CNTNAP2: variants seen among roughly 807,000 people sequenced by gnomAD.
CNTNAP2 encodes contactin associated protein 2.
A neutral mutation model predicts 155.2 loss-of-function variants in CNTNAP2; 98 were observed. The observed-to-expected ratio is 0.63, with a 90% confidence interval of 0.54 to 0.75. The LOEUF is 0.75. Among genes scored for constraint, CNTNAP2 ranks in the 30% least tolerant of loss-of-function variants. The probability of loss-of-function intolerance (pLI) is 0.00; values close to 1 mark genes in which losing one functional copy is unlikely to be tolerated. For synonymous variants in CNTNAP2, 651 were observed against 631.2 expected (o/e 1.03, Z -0.47); for missense variants, 1,727 against 1,688.1 (o/e 1.02, Z -0.40).
At chr7:147,724,443 G>A (rs1106439) in intron 13 of CNTNAP2, among the ~76,000 whole-genome samples, 33,235 of 151,728 alleles carry the variant, frequency 0.22, 4,243 homozygotes, top group African/African-American at 0.36. Flanking sequence ...ACAGTTGCAG[G>A]GTCTGTTTTA....
chr7:146,133,210 T>C (rs985034982), intron 1 of CNTNAP2, among the ~76,000 whole-genome samples: 8 of 152,214 alleles, frequency 5.3e-5, no homozygotes, highest in Non-Finnish European at 8.8e-5. Flanking sequence ...ATAAATGTCT[T>C]CTTTTGAGAA....
At chr7:146,584,230 A>T (rs760603278) in intron 1 of CNTNAP2, among the ~76,000 whole-genome samples, 3 of 152,200 alleles carry the variant, frequency 2.0e-5, no homozygotes, top group African/African-American at 7.2e-5. Context: ...GTTTAAAATT[A>T]TGGGTTCTTC....
At chr7:147,795,241 A>T (rs375001440) in intron 13 of CNTNAP2, among the ~76,000 whole-genome samples, 8 of 151,870 alleles carry the variant, frequency 5.3e-5, no homozygotes, top group African/African-American at 1.9e-4. Context: ...TCTAAAGTGT[A>T]TCTCCTGTAA....
chr7:146,746,943 T>C (rs1269358012), intron 1 of CNTNAP2, among the ~76,000 whole-genome samples: 1 of 152,138 alleles, frequency 6.6e-6, no homozygotes, highest in Non-Finnish European at 1.5e-5. Flanking sequence ...TATTTGGGGA[T>C]ATTTCTGTAG....
At chr7:146,536,596 C>G (rs7790706) in intron 1 of CNTNAP2, among the ~76,000 whole-genome samples, 1 of 149,798 alleles carries the variant, frequency 6.7e-6, no homozygotes, top group Non-Finnish European at 1.5e-5. Context: ...ATGTTCCCCC[C>G]CCACCACCAT....
chr7:148,063,835 T>C (rs1468038608), intron 15 of CNTNAP2, among the ~76,000 whole-genome samples: 1 of 152,166 alleles, frequency 6.6e-6, no homozygotes, highest in African/African-American at 2.4e-5. Context: ...TTTTCTGATG[T>C]TATCCTCTAG....
intron 1 of CNTNAP2, among the ~76,000 whole-genome samples, chr7:146,465,556 G>C (rs1213302591): frequency 6.6e-6 from 1 of 152,150 alleles, no homozygotes; most frequent in Non-Finnish European, 1.5e-5. Context: ...TAGTCTGTTT[G>C]AATCATCAAA....
intron 9 of CNTNAP2, among the ~76,000 whole-genome samples, chr7:147,370,635 A>G (rs1018649420): frequency 3.3e-5 from 5 of 152,260 alleles, no homozygotes; most frequent in Admixed American, 6.5e-5. Flanking sequence ...ATCGACAACT[A>G]TGTAAGACAA....
chr7:147,965,933 A>T (rs1801201455), intron 14 of CNTNAP2, among the ~76,000 whole-genome samples: 1 of 152,202 alleles, frequency 6.6e-6, no homozygotes, highest in Non-Finnish European at 1.5e-5. Context: ...TATTGATAAC[A>T]TAAAAACAAA....
chr7:147,338,189 G>C (rs553872360), intron 9 of CNTNAP2, among the ~76,000 whole-genome samples: 18 of 152,144 alleles, frequency 1.2e-4, no homozygotes, highest in Non-Finnish European at 2.5e-4. Flanking sequence ...TGGAAGGAGA[G>C]AGAGAATGAA....
chr7:147,820,694 T>C (rs549353959), intron 13 of CNTNAP2, among the ~76,000 whole-genome samples: 1 of 152,230 alleles, frequency 6.6e-6, no homozygotes, highest in African/African-American at 2.4e-5. Context: ...GTGTATCTGG[T>C]GTGAGGCAAG....
chr7:148,134,650 T>C lies in CNTNAP2; in HGVS notation c.2555-12841T>C, dbSNP rs148808939. On this transcript the variant is annotated intron_variant, in intron 16 of 23. Coordinates refer to ENST00000361727, the MANE Select transcript of CNTNAP2 (RefSeq NM_014141.6). ...TTAAATAAAATCGTATACAATAAAATAATATCTTATTTTGATAAACTGAAC... is the reference window on the plus strand; with the variant it reads ...TTAAATAAAATCGTATACAATAAAACAATATCTTATTTTGATAAACTGAAC... Among the ~76,000 whole-genome samples the C allele has an allele frequency of 1.5e-3, 231 of 152,324 alleles. 4 individuals are homozygous for C. The East Asian group carries it at 0.034, about 22-fold the overall frequency.
At chr7:148,017,343 A>T (rs1277537263) in intron 15 of CNTNAP2, among the ~76,000 whole-genome samples, 6 of 152,226 alleles carry the variant, frequency 3.9e-5, no homozygotes, top group Non-Finnish European at 7.3e-5. Flanking sequence ...ATTTTAGTAA[A>T]CATTTCAAAG....
At chr7:146,622,520 T>C (rs1799344615) in intron 1 of CNTNAP2, among the ~76,000 whole-genome samples, 2 of 152,180 alleles carry the variant, frequency 1.3e-5, no homozygotes, top group Non-Finnish European at 2.9e-5. Context: ...TCTGTTTGTA[T>C]GTATATTCAT....
At chr7:146,428,224 A>G (rs924918753) in intron 1 of CNTNAP2, among the ~76,000 whole-genome samples, 1 of 152,080 alleles carries the variant, frequency 6.6e-6, no homozygotes. Flanking sequence ...ATGTGTCTTT[A>G]TAATAGAATG....
At chr7:146,923,488 G>A (rs1318596031) in intron 3 of CNTNAP2, among the ~76,000 whole-genome samples, 1 of 152,058 alleles carries the variant, frequency 6.6e-6, no homozygotes, top group East Asian at 1.9e-4. Flanking sequence ...TATAATATGT[G>A]CTTAGCAATA....
At chr7:147,746,946 G>A (rs185645798) in intron 13 of CNTNAP2, among the ~76,000 whole-genome samples, 154 of 152,282 alleles carry the variant, frequency 1.0e-3, no homozygotes, top group African/African-American at 3.5e-3. Flanking sequence ...TGCTAGTTCA[G>A]TTTAGTTTCC....
chr7:148,292,857 G>A (rs1171239946), intron 21 of CNTNAP2, among the ~76,000 whole-genome samples: 1 of 152,082 alleles, frequency 6.6e-6, no homozygotes, highest in Non-Finnish European at 1.5e-5. Context: ...CCCTACACTG[G>A]GATGCCCTCC....
rs1164517725 is a variant in CNTNAP2 at position 148,416,993 on chromosome 7, C to CA, written c.*1383dup. The CA allele has an allele frequency of 2.0e-5, 3 of 152,022 alleles. No individual in the cohort carries two copies. The highest frequency in any genetic ancestry group is 2.9e-5 in the Non-Finnish European group (2 of 68,002). The allele number at this position is 152,022 out of a possible 1,614,324, so 9.4% of individuals were successfully genotyped here. A position where few individuals can be genotyped will look rare whatever the true frequency, so the allele number is the denominator to read the frequency against. ...TGTAAACAAATGGGGACAATGCATC[C>CA]AAAAAATCTTTTTAAACAGATTACA... On this transcript the variant is annotated 3_prime_UTR_variant, in exon 24 of 24. Transcript: ENST00000361727.
Sources: allele counts gnomAD v4.1 joint callset (sites outside exome capture counted in the v4.1 genomes callset), GRCh38; gene constraint gnomAD v4.1.1; transcripts MANE v1.5; gene names NCBI Gene and HGNC (gene_info 2026-07-23, HGNC 2026-07-21).